The following PDE4D variants were observed in gnomAD, a reference collection of about 807,000 sequenced individuals.
PDE4D encodes the protein 3',5'-cyclic-AMP phosphodiesterase 4D.
A neutral mutation model predicts 87.4 loss-of-function variants in PDE4D; 24 were observed. The ratio of observed to expected loss-of-function variants is 0.27; its 90% CI spans 0.20 to 0.39. The LOEUF (loss-of-function observed/expected upper bound fraction) is 0.39, where lower values mean the gene tolerates loss of function less well. PDE4D is among the 10% of genes least tolerant of loss of function. The pLI is 1.00. For synonymous variants in PDE4D, 384 were observed against 383.2 expected (o/e 1.00, Z -0.02); for missense variants, 714 against 1,041.0 (o/e 0.69, Z 4.32).
chr5:59,793,025 C>A (rs1263787266), intron 1 of PDE4D, among the ~76,000 whole-genome samples: 1 of 152,172 alleles, frequency 6.6e-6, no homozygotes, highest in Non-Finnish European at 1.5e-5. Flanking sequence ...AGCTTACACC[C>A]ATTGAGTTCA....
chr5:59,349,920 A>G (rs1780237446), intron 1 of PDE4D, among the ~76,000 whole-genome samples: 1 of 152,144 alleles, frequency 6.6e-6, no homozygotes. Flanking sequence ...AATACAGAAA[A>G]CACTCAAACT....
chr5:59,750,945 CAAAAAAAAAA>C (rs34787047), intron 1 of PDE4D, among the ~76,000 whole-genome samples: 4 of 68,762 alleles, frequency 5.8e-5, no homozygotes, highest in Admixed American at 1.6e-4. Flanking sequence ...GACCCTGTCT[CAAAAAAAAAA>C]AAAAAAAAAA....
intron 6 of PDE4D, among the ~76,000 whole-genome samples, chr5:59,031,398 ATATAT>A (rs1757457149): frequency 1.1e-5 from 1 of 95,214 alleles, no homozygotes; most frequent in African/African-American, 4.0e-5. Context: ...TATATTATAT[ATATAT>A]ATATATATAT....
intron 1 of PDE4D, among the ~76,000 whole-genome samples, chr5:59,732,862 C>T (rs1009992673): frequency 1.3e-5 from 2 of 150,456 alleles, no homozygotes; most frequent in African/African-American, 4.9e-5. Flanking sequence ...AATAATAACC[C>T]CATGAATAAT....
At chr5:59,273,639 TAG>T (rs947845018) in intron 1 of PDE4D, among the ~76,000 whole-genome samples, 1 of 152,050 alleles carries the variant, frequency 6.6e-6, no homozygotes, top group Non-Finnish European at 1.5e-5. Context: ...CATGCATATA[TAG>T]AGAGAGATTT....
chr5:60,439,361 A>T (rs1745012705), intron 1 of PDE4D, among the ~76,000 whole-genome samples: 1 of 152,068 alleles, frequency 6.6e-6, no homozygotes. Context: ...TTCATTCTAG[A>T]TCCACCTCAA....
At chr5:60,367,633 C>A (rs1422052332) in intron 1 of PDE4D, among the ~76,000 whole-genome samples, 1 of 152,126 alleles carries the variant, frequency 6.6e-6, no homozygotes, top group Non-Finnish European at 1.5e-5. Flanking sequence ...AGTTCAATTT[C>A]ATGTTTCTCC....
intron 1 of PDE4D, among the ~76,000 whole-genome samples, chr5:59,675,126 T>C (rs377096842): frequency 6.6e-6 from 1 of 152,358 alleles, no homozygotes; most frequent in African/African-American, 2.4e-5. Flanking sequence ...TATTTCACTG[T>C]AGAGAAAATT....
At chr5:60,247,971 A>C (rs1747989476) in intron 1 of PDE4D, among the ~76,000 whole-genome samples, 1 of 152,186 alleles carries the variant, frequency 6.6e-6, no homozygotes, top group Admixed American at 6.6e-5. Flanking sequence ...TAAACAAATT[A>C]ATAAATATAT....
At chr5:59,631,153 T>A (rs561035231) in intron 1 of PDE4D, among the ~76,000 whole-genome samples, 156 of 152,320 alleles carry the variant, frequency 1.0e-3, no homozygotes, top group Non-Finnish European at 2.0e-3. Flanking sequence ...TTGCATTATG[T>A]CATTTTATCT....
chr5:60,396,491 ATAT>A (rs767603363), intron 1 of PDE4D, among the ~76,000 whole-genome samples: 1 of 152,204 alleles, frequency 6.6e-6, no homozygotes, highest in Non-Finnish European at 1.5e-5. Context: ...CTCTGGTTCT[ATAT>A]TAACTTTTAA....
chr5:59,105,131 T>C (rs1460545307), intron 5 of PDE4D, among the ~76,000 whole-genome samples: 1 of 152,132 alleles, frequency 6.6e-6, no homozygotes, highest in Non-Finnish European at 1.5e-5. Flanking sequence ...GAGATGAAAG[T>C]CAAATTTTGG....
Position 60,253,372 on chromosome 5 carries a change from G to A in PDE4D, c.-89-67685C>T, listed in dbSNP as rs191321826. Among the ~76,000 whole-genome samples the A allele has an allele frequency of 5.6e-3, 846 of 151,952 alleles. 7 individuals carry two copies. The highest frequency in any genetic ancestry group is 0.02 in the African/African-American group (816 of 41,492). On this transcript the variant is annotated intron_variant, in intron 1 of 16. Transcript: ENST00000502484. ...GTTGTTGTCTCTTTTCTCTCCCTCT[G>A]TGGTCTCCTGCAATCACTTAAAATA... is the stretch of plus-strand genomic sequence containing the variant.
At chr5:59,571,911 A>T in intron 1 of PDE4D, among the ~76,000 whole-genome samples, 1 of 152,208 alleles carries the variant, frequency 6.6e-6, no homozygotes, top group East Asian at 1.9e-4. Context: ...TGGCCCCATA[A>T]ATGGAAATAT....
At chr5:59,240,539 G>A (rs1490727002) in intron 1 of PDE4D, among the ~76,000 whole-genome samples, 2 of 152,238 alleles carry the variant, frequency 1.3e-5, no homozygotes, top group Non-Finnish European at 2.9e-5. Context: ...ACTAAGCTCA[G>A]CTCAAGACCT....
chr5:59,255,792 T>C (rs1246192115), intron 1 of PDE4D, among the ~76,000 whole-genome samples: 1 of 152,094 alleles, frequency 6.6e-6, no homozygotes, highest in Non-Finnish European at 1.5e-5. Context: ...CAAAGAAAAC[T>C]AGTGAAAATG....
intron 1 of PDE4D, among the ~76,000 whole-genome samples, chr5:59,630,858 T>C (rs776751614): frequency 2.4e-4 from 36 of 152,212 alleles, no homozygotes; most frequent in Non-Finnish European, 4.4e-4. Context: ...TCATTGGTCT[T>C]GATCCTGCTA....
rs1050022964 is a variant in PDE4D, at chr5:58,972,989, T to A, written c.*1675A>T. On this transcript the variant is annotated 3_prime_UTR_variant, in exon 15 of 15. Transcript: ENST00000340635. Reference sequence around the variant, plus strand: ...AGTAGTTCCCCTCTGCAAGATATGCTTATGGATCGAGGATAAGTGATAAAG... The same window carrying A: ...AGTAGTTCCCCTCTGCAAGATATGCATATGGATCGAGGATAAGTGATAAAG... The A allele has an allele frequency of 1.3e-5, 2 of 152,206 alleles. No individual in the cohort carries two copies. Among genetic ancestry groups the A allele is most frequent in the African/African-American group, 4.8e-5 (2 of 41,454 alleles). 9.4% of individuals were successfully genotyped at this position (152,206 alleles called of 1,614,324 possible).
chr5:59,450,421 G>A (rs1431680987), intron 1 of PDE4D, among the ~76,000 whole-genome samples: 2 of 152,094 alleles, frequency 1.3e-5, no homozygotes, highest in Admixed American at 1.3e-4. Flanking sequence ...CAGCAGTTTA[G>A]CACTGAGTAC....
Sources: gnomAD v4.1 joint callset for allele counts (sites outside exome capture counted in the v4.1 genomes callset) on GRCh38, gnomAD v4.1.1 for gene constraint, MANE v1.5 for transcripts, NCBI Gene and HGNC (gene_info 2026-07-23, HGNC 2026-07-21) for gene names.